Variants in TJP2 observed in about 807,000 individuals in gnomAD.
The protein encoded by TJP2 is Friedreich ataxia region gene X104 (tight junction protein ZO-2).
Under a neutral mutation model 133.1 loss-of-function variants are expected in TJP2, and 91 were observed. The ratio of observed to expected loss-of-function variants is 0.68; its 90% CI spans 0.58 to 0.81. The LOEUF (loss-of-function observed/expected upper bound fraction) is 0.81. Among genes scored for constraint, TJP2 ranks in the 40% least tolerant of loss-of-function variants. The probability of loss-of-function intolerance (pLI) is 0.00; values close to 1 mark genes in which losing one functional copy is unlikely to be tolerated. For missense variants in TJP2, 1,541 were observed against 1,565.6 expected (o/e 0.98, Z 0.26); for synonymous variants, 592 against 583.4 (o/e 1.01, Z -0.21).
At chr9:69,180,782 C>T (rs1296083818) in intron 1 of TJP2, among the ~76,000 whole-genome samples, 1 of 152,238 alleles carries the variant, frequency 6.6e-6, no homozygotes, top group Non-Finnish European at 1.5e-5. Flanking sequence ...TCAGTTTTAG[C>T]AGCCTGGTTT....
chr9:69,247,301 G>A (rs11788841), intron 18 of TJP2, among the ~76,000 whole-genome samples: 18,616 of 152,242 alleles, frequency 0.12, 1,245 homozygotes, highest in Middle Eastern at 0.18. Flanking sequence ...GAATTGGATC[G>A]CTTCTCCCTC....
chr9:69,222,972 G>A (rs1829003147), intron 5 of TJP2, among the ~76,000 whole-genome samples: 1 of 151,554 alleles, frequency 6.6e-6, no homozygotes, highest in African/African-American at 2.4e-5. Context: ...TGGAGGCTGA[G>A]GCAGGAGAAT....
chr9:69,240,307 C>G (rs1218133758), intron 17 of TJP2, among the ~76,000 whole-genome samples, 160 bp downstream of exon 17: 1 of 152,122 alleles, frequency 6.6e-6, no homozygotes, highest in Non-Finnish European at 1.5e-5. Flanking sequence ...AGGCCAATGG[C>G]ATTTATATAT....
At chr9:69,171,789 ATTTTTTTTTTTT>A (rs34717893), upstream of TJP2, among the ~76,000 whole-genome samples, 2 of 86,758 alleles carry the variant, frequency 2.3e-5, no homozygotes, top group Non-Finnish European at 4.1e-5. Context: ...GAGTAGAAGA[ATTTTTTTTTTTT>A]TTTTTTTTTT....
chr9:69,207,266 T>C (rs892931845), intron 1 of TJP2, among the ~76,000 whole-genome samples: 1 of 152,236 alleles, frequency 6.6e-6, no homozygotes, highest in Non-Finnish European at 1.5e-5. Context: ...TTCAAGTTGT[T>C]GTAAAACATT....
intron 15 of TJP2, among the ~76,000 whole-genome samples, chr9:69,238,405 T>A: frequency 6.6e-6 from 1 of 152,218 alleles, no homozygotes; most frequent in Admixed American, 6.5e-5. Context: ...TCATGACATT[T>A]GATTTTTATG....
chr9:69,239,761 C>G (rs1487134920), intron 16 of TJP2, among the ~76,000 whole-genome samples, 176 bp from the exon 17 acceptor site: 1 of 152,132 alleles, frequency 6.6e-6, no homozygotes, highest in African/African-American at 2.4e-5. Flanking sequence ...TCGCAGTGAG[C>G]CAAGTTTGTG....
chr9:69,183,046 C>G (rs1288817633), intron 1 of TJP2, among the ~76,000 whole-genome samples: 1 of 151,960 alleles, frequency 6.6e-6, no homozygotes, highest in African/African-American at 2.4e-5. Flanking sequence ...ATCCACCTGC[C>G]TCAGCCTCCC....
intron 4 of TJP2, among the ~76,000 whole-genome samples, chr9:69,218,903 T>G (rs1828591098): frequency 7.9e-6 from 1 of 126,044 alleles, no homozygotes; most frequent in African/African-American, 3.3e-5. Context: ...AGAATGGTAA[T>G]AAAGTGTGCT....
chr9:69,161,609 A>C (rs2132855882), intron 2 of TJP2, among the ~76,000 whole-genome samples: 1 of 152,212 alleles, frequency 6.6e-6, no homozygotes, highest in Admixed American at 6.5e-5. Flanking sequence ...ATGGGTGATC[A>C]ATTTAGGAAT....
intron 1 of TJP2, among the ~76,000 whole-genome samples, chr9:69,148,852 A>G (rs955948630): frequency 2.6e-5 from 4 of 152,218 alleles, no homozygotes; most frequent in Non-Finnish European, 4.4e-5. Context: ...TGCCCAGCAC[A>G]TGGTAGGTGC....
intron 2 of TJP2, among the ~76,000 whole-genome samples, chr9:69,214,968 A>C (rs79650993): frequency 0.042 from 6,459 of 152,360 alleles, 157 homozygotes; most frequent in South Asian, 0.067. Flanking sequence ...TACTTTAAAA[A>C]TATAATTTTA....
intron 1 of TJP2, among the ~76,000 whole-genome samples, chr9:69,131,356 G>C (rs771589302): frequency 6.6e-6 from 1 of 152,192 alleles, no homozygotes; most frequent in African/African-American, 2.4e-5. Context: ...GTGAAGGTCA[G>C]GAGGTTTGCT....
intron 1 of TJP2, among the ~76,000 whole-genome samples, chr9:69,210,459 G>C (rs917455116): frequency 6.6e-6 from 1 of 152,070 alleles, no homozygotes; most frequent in African/African-American, 2.4e-5. Context: ...AAGATGAGTA[G>C]GATACAAAAA....
At chr9:69,179,927 A>G (rs1460891111) in intron 1 of TJP2, among the ~76,000 whole-genome samples, 1 of 152,226 alleles carries the variant, frequency 6.6e-6, no homozygotes, top group Non-Finnish European at 1.5e-5. Flanking sequence ...TTGAGTACAC[A>G]TGTTCACTAA....
chr9:69,179,472 C>T (rs530152512), intron 1 of TJP2, among the ~76,000 whole-genome samples: 2 of 151,368 alleles, frequency 1.3e-5, no homozygotes, highest in African/African-American at 2.4e-5. Flanking sequence ...GCAGTAACAG[C>T]GGTGGTGGTG....
chr9:69,236,896 T>C (rs1333040818), intron 13 of TJP2, 53 bp from the exon 14 acceptor site: 1 of 1,578,866 alleles, frequency 6.3e-7, no homozygotes, highest in African/African-American at 1.3e-5. Context: ...ATGAAATGCA[T>C]GTTAGCTGCG....
intron 19 of TJP2, 168 bp downstream of exon 19, chr9:69,248,392 G>A: frequency 7.0e-7 from 1 of 1,434,512 alleles, no homozygotes; most frequent in Non-Finnish European, 9.2e-7. Flanking sequence ...GTTGCAGTCT[G>A]TGGGAAAGTG....
chr9:69,174,579 A>C, intron 1 of TJP2, 147 bp downstream of exon 1: 2 of 1,024,148 alleles, frequency 2.0e-6, no homozygotes, highest in Admixed American at 4.1e-5. Flanking sequence ...CGTGGGACGC[A>C]GGGGAGGGGT....
Sources: gnomAD v4.1 joint callset for allele counts (sites outside exome capture counted in the v4.1 genomes callset) on GRCh38, gnomAD v4.1.1 for gene constraint, MANE v1.5 for transcripts, NCBI Gene and HGNC (gene_info 2026-07-23, HGNC 2026-07-21) for gene names.